CCSER1: variants seen among roughly 807,000 people sequenced by gnomAD.
The protein encoded by CCSER1 is serine-rich coiled-coil domain-containing protein 1.
A neutral mutation model predicts 82.0 loss-of-function variants in CCSER1; 41 were observed. The ratio of observed to expected loss-of-function variants is 0.50; its 90% CI spans 0.39 to 0.65. The LOEUF (loss-of-function observed/expected upper bound fraction) is 0.65. Ranked by LOEUF, CCSER1 falls within the 30% of genes least tolerant of loss-of-function variation. The pLI is 0.00. For missense variants in CCSER1, 1,119 were observed against 1,064.2 expected, an observed-to-expected ratio of 1.05 and a Z score of -0.72; for synonymous variants, 414 against 383.9, an observed-to-expected ratio of 1.08 and a Z score of -0.92.
At position 91,456,401 on chromosome 4, in the gene CCSER1, G is replaced by A. The variant is rs143488708; in HGVS notation, c.2218-142171G>A. 9.7e-3 allele frequency among the ~76,000 whole-genome samples: 1,482 copies of A among 152,164 alleles called. 9 individuals are homozygous for A. Among genetic ancestry groups the A allele is most frequent in the Middle Eastern group, 0.02 (6 of 294 alleles). On this transcript the variant is annotated intron_variant, in intron 10 of 10. Transcript: ENST00000509176. ...AAGGGTTAAATGAATAAATGAAAAAGAGGTAGGCAGATGGAACAGAAAAGG... is the reference window on the plus strand; with the variant it reads ...AAGGGTTAAATGAATAAATGAAAAAAAGGTAGGCAGATGGAACAGAAAAGG...
intron 9 of CCSER1, among the ~76,000 whole-genome samples, chr4:90,942,205 G>A (rs1227171848): frequency 1.3e-5 from 2 of 151,882 alleles, no homozygotes; most frequent in African/African-American, 2.4e-5. Context: ...CCACCACCTC[G>A]GTCTCCCAAA....
At chr4:90,552,879 A>G (rs1222117668) in intron 5 of CCSER1, among the ~76,000 whole-genome samples, 1 of 152,236 alleles carries the variant, frequency 6.6e-6, no homozygotes, top group Admixed American at 6.5e-5. Context: ...TATTGAGATA[A>G]TGACCTATGC....
intron 5 of CCSER1, among the ~76,000 whole-genome samples, chr4:90,606,899 A>T (rs1238030948): frequency 2.6e-5 from 4 of 152,204 alleles, no homozygotes; most frequent in African/African-American, 9.6e-5. Context: ...GGGCTTTTGC[A>T]TTTCCACACC....
chr4:90,547,206 T>C (rs1776869119), intron 5 of CCSER1, among the ~76,000 whole-genome samples: 1 of 142,048 alleles, frequency 7.0e-6, no homozygotes, highest in Non-Finnish European at 1.5e-5. Flanking sequence ...TTAATGCCAA[T>C]ACAATGTGAC....
intron 10 of CCSER1, among the ~76,000 whole-genome samples, chr4:91,243,711 G>T (rs1739553478): frequency 6.6e-6 from 1 of 152,110 alleles, no homozygotes; most frequent in Admixed American, 6.5e-5. Flanking sequence ...TTCTCTCCAG[G>T]ATTCATCATA....
chr4:91,279,241 G>A (rs185752378), intron 10 of CCSER1, among the ~76,000 whole-genome samples: 7 of 152,024 alleles, frequency 4.6e-5, no homozygotes, highest in African/African-American at 1.2e-4. Context: ...ATAATGTCTT[G>A]GGAAGGCCTT....
At chr4:90,614,534 A>G (rs1337210139) in intron 5 of CCSER1, among the ~76,000 whole-genome samples, 4 of 152,214 alleles carry the variant, frequency 2.6e-5, no homozygotes, top group African/African-American at 7.2e-5. Flanking sequence ...ATAAGAAAAT[A>G]AAACAGCCTT....
At chr4:91,371,385 A>G (rs1477765313) in intron 10 of CCSER1, among the ~76,000 whole-genome samples, 1 of 149,702 alleles carries the variant, frequency 6.7e-6, no homozygotes, top group Non-Finnish European at 1.5e-5. Context: ...TTTAATTATT[A>G]GCTCCCATAA....
intron 10 of CCSER1, among the ~76,000 whole-genome samples, chr4:91,363,989 T>C (rs1749439099): frequency 6.7e-6 from 1 of 149,280 alleles, no homozygotes; most frequent in South Asian, 2.1e-4. Flanking sequence ...TCTCAGCACA[T>C]TTTGGTAAAG....
At chr4:90,482,239 G>A (rs1297645796) in intron 5 of CCSER1, among the ~76,000 whole-genome samples, 2 of 151,726 alleles carry the variant, frequency 1.3e-5, no homozygotes, top group Admixed American at 6.6e-5. Context: ...ATTTTTTATT[G>A]CATCTATTTG....
At chr4:91,208,482 G>C (rs1369005168) in intron 10 of CCSER1, among the ~76,000 whole-genome samples, 1 of 151,846 alleles carries the variant, frequency 6.6e-6, no homozygotes. Context: ...ATCGAATAGG[G>C]AGTCTTTTCC....
intron 9 of CCSER1, among the ~76,000 whole-genome samples, chr4:90,968,515 G>A (rs2082508129): frequency 6.6e-6 from 1 of 152,034 alleles, no homozygotes. Flanking sequence ...CTGCCCTAGG[G>A]AGAAAATAAA....
At chr4:91,223,922 TC>T in intron 10 of CCSER1, among the ~76,000 whole-genome samples, 1 of 152,226 alleles carries the variant, frequency 6.6e-6, no homozygotes, top group African/African-American at 2.4e-5. Flanking sequence ...GTTCATCCTT[TC>T]AAAAATGAAA....
chr4:90,524,500 G>A (rs1773507216), intron 5 of CCSER1, among the ~76,000 whole-genome samples: 1 of 152,054 alleles, frequency 6.6e-6, no homozygotes, highest in Non-Finnish European at 1.5e-5. Context: ...GATGGAGTCT[G>A]ACTCTGTTGC....
At chr4:90,458,306 A>G (rs1217409916) in intron 4 of CCSER1, among the ~76,000 whole-genome samples, 7 of 149,284 alleles carry the variant, frequency 4.7e-5, no homozygotes, top group African/African-American at 1.7e-4. Context: ...CACAGCCACC[A>G]CTCCACATGG....
At chr4:90,161,131 T>C (rs960687036) in intron 1 of CCSER1, among the ~76,000 whole-genome samples, 13 of 152,314 alleles carry the variant, frequency 8.5e-5, no homozygotes, top group African/African-American at 3.1e-4. Context: ...GGACTTACTG[T>C]ATGTAAACTT....
chr4:90,415,739 A>G (rs1001266956), intron 4 of CCSER1, among the ~76,000 whole-genome samples: 2 of 152,190 alleles, frequency 1.3e-5, no homozygotes, highest in African/African-American at 4.8e-5. Flanking sequence ...TCCTGTTTCT[A>G]TTTCGGCTAC....
intron 7 of CCSER1, among the ~76,000 whole-genome samples, chr4:90,766,447 T>C (rs930459165): frequency 6.6e-6 from 1 of 151,982 alleles, no homozygotes; most frequent in African/African-American, 2.4e-5. Flanking sequence ...TTCATTTTAA[T>C]ATATTATTTA....
At chr4:90,859,609 T>G (rs116379424) in intron 8 of CCSER1, among the ~76,000 whole-genome samples, 9,843 of 151,892 alleles carry the variant, frequency 0.065, 660 homozygotes, top group African/African-American at 0.18. Context: ...TCTGATATTA[T>G]GATTAATATA....
Sources: gnomAD v4.1 joint callset for allele counts (sites outside exome capture counted in the v4.1 genomes callset) on GRCh38, gnomAD v4.1.1 for gene constraint, MANE v1.5 for transcripts, NCBI Gene and HGNC (gene_info 2026-07-23, HGNC 2026-07-21) for gene names.